PDE8B: variants seen among roughly 807,000 people sequenced by gnomAD.
PDE8B encodes the protein high affinity cAMP-specific and IBMX-insensitive 3',5'-cyclic phosphodiesterase 8B.
PDE8B carries 26 observed loss-of-function variants against 101.3 expected under a neutral mutation model. That is an observed-to-expected ratio of 0.26 (90% CI 0.19 to 0.36). The LOEUF (loss-of-function observed/expected upper bound fraction) is 0.36, where lower values mean the gene tolerates loss of function less well. Among genes scored for constraint, PDE8B ranks in the 10% least tolerant of loss-of-function variants. The pLI is 1.00. For missense variants in PDE8B, 810 were observed against 1,163.1 expected (o/e 0.70, Z 4.42); for synonymous variants, 424 against 429.3 (o/e 0.99, Z 0.15).
intron 10 of PDE8B, among the ~76,000 whole-genome samples, chr5:77,365,790 G>A (rs1488060536): frequency 6.6e-6 from 1 of 152,174 alleles, no homozygotes; most frequent in African/African-American, 2.4e-5. Context: ...GCACTGTGAT[G>A]ATGTGGCTCT....
the PDE8B span, among the ~76,000 whole-genome samples, chr5:77,198,199 T>C: frequency 1.3e-5 from 2 of 152,190 alleles, no homozygotes; most frequent in African/African-American, 4.8e-5. Flanking sequence ...TTAATATTTT[T>C]ATTAAGGTAT....
At chr5:77,328,822 A>G (rs1172381846) in intron 3 of PDE8B, among the ~76,000 whole-genome samples, 176 bp from the exon 4 acceptor site, 2 of 152,206 alleles carry the variant, frequency 1.3e-5, no homozygotes, top group Admixed American at 1.3e-4. Context: ...TAACGAAATG[A>G]AGAGATTGTC....
At chr5:77,345,291 C>T (rs1375470318) in intron 7 of PDE8B, among the ~76,000 whole-genome samples, 3 of 152,110 alleles carry the variant, frequency 2.0e-5, no homozygotes, top group Non-Finnish European at 2.9e-5. Flanking sequence ...CTCTAAGTAG[C>T]GAGGATTACA....
chr5:77,242,255 C>T (rs1003228886), intron 1 of PDE8B, among the ~76,000 whole-genome samples: 1 of 152,208 alleles, frequency 6.6e-6, no homozygotes, highest in African/African-American at 2.4e-5. Flanking sequence ...GTATCCAGTG[C>T]TCTCCAAGAG....
At chr5:77,417,448 C>T (rs183094476) in intron 17 of PDE8B, among the ~76,000 whole-genome samples, 2 of 152,304 alleles carry the variant, frequency 1.3e-5, no homozygotes, top group East Asian at 3.9e-4. Flanking sequence ...GCAGCTCTGG[C>T]ACTATGCAGT....
At chr5:77,373,190 T>G (rs1245355634) in intron 10 of PDE8B, among the ~76,000 whole-genome samples, 2 of 152,234 alleles carry the variant, frequency 1.3e-5, no homozygotes, top group Non-Finnish European at 2.9e-5. Context: ...CTATTGTTAA[T>G]CTGTTTTCTA....
At chr5:77,369,939 A>T (rs62364318) in intron 10 of PDE8B, among the ~76,000 whole-genome samples, 13,710 of 152,232 alleles carry the variant, frequency 0.09, 1,143 homozygotes, top group East Asian at 0.44. Context: ...GCATACAGCA[A>T]AGTTGAAAGA....
At chr5:77,279,732 C>T (rs75480815) in intron 1 of PDE8B, among the ~76,000 whole-genome samples, 142 of 152,294 alleles carry the variant, frequency 9.3e-4, no homozygotes, top group African/African-American at 3.2e-3. Context: ...GGTCTGAATA[C>T]AGGTCTTACT....
At chr5:77,369,469 T>A (rs550204134) in intron 10 of PDE8B, among the ~76,000 whole-genome samples, 1 of 152,180 alleles carries the variant, frequency 6.6e-6, no homozygotes, top group African/African-American at 2.4e-5. Flanking sequence ...AGAGCCAACG[T>A]CTGGCTAGAT....
At chr5:77,334,570 C>T (rs1303651771) in intron 5 of PDE8B, among the ~76,000 whole-genome samples, 1 of 152,090 alleles carries the variant, frequency 6.6e-6, no homozygotes, top group African/African-American at 2.4e-5. Flanking sequence ...GTGGAGAGGC[C>T]TTTTGTGGAG....
intron 20 of PDE8B, among the ~76,000 whole-genome samples, chr5:77,424,632 A>C (rs1797517157): frequency 6.6e-6 from 1 of 152,226 alleles, no homozygotes; most frequent in Non-Finnish European, 1.5e-5. Context: ...CAAGTGCATA[A>C]GTGCTTTCCA....
At chr5:77,248,229 T>C (rs545818489) in intron 1 of PDE8B, among the ~76,000 whole-genome samples, 1 of 152,302 alleles carries the variant, frequency 6.6e-6, no homozygotes, top group Admixed American at 6.5e-5. Flanking sequence ...CTATTGCATG[T>C]TTATTCACTG....
chr5:77,122,318 C>A, the PDE8B span, among the ~76,000 whole-genome samples: 1 of 152,250 alleles, frequency 6.6e-6, no homozygotes, highest in Admixed American at 6.5e-5. Context: ...GCAGCCTTAG[C>A]TCTTCATGGT....
intron 1 of PDE8B, among the ~76,000 whole-genome samples, chr5:77,214,416 T>C (rs1394328018): frequency 1.3e-5 from 2 of 152,234 alleles, no homozygotes; most frequent in African/African-American, 4.8e-5. Context: ...GCTCATTTGT[T>C]CATTCAGTAT....
At position 77,418,220 on chromosome 5, in the gene PDE8B, A is replaced by G. The variant is rs765361327; in HGVS notation, c.1912-9A>G. 7.6e-6 allele frequency: 12 copies of G among 1,587,510 alleles called. No individual in the cohort carries two copies. The African/African-American group carries it at 1.5e-4, about 20-fold the overall frequency. On this transcript the variant is annotated splice_polypyrimidine_tract_variant and intron_variant, in intron 17 of 21. Coordinates refer to ENST00000264917, the MANE Select transcript of PDE8B (RefSeq NM_003719.5). ...GGGTAATGCTCAACCTTGCCTCCCC[A>G]TATCCCAGGGAAGCCTCGATCAGTT... is the stretch of plus-strand genomic sequence containing the variant.
At chr5:77,120,067 G>A in the PDE8B span, among the ~76,000 whole-genome samples, 4 of 152,274 alleles carry the variant, frequency 2.6e-5, no homozygotes, top group East Asian at 5.8e-4. Context: ...AAAAACTGTG[G>A]TATGTTCATG....
chr5:77,305,899 T>C (rs113852510), intron 1 of PDE8B, among the ~76,000 whole-genome samples: 4,481 of 152,206 alleles, frequency 0.029, 100 homozygotes, highest in Non-Finnish European at 0.041. Flanking sequence ...AAAGTGCAAG[T>C]CAAGCTTGCC....
chr5:77,189,777 T>TG, the PDE8B span, among the ~76,000 whole-genome samples: 1 of 151,862 alleles, frequency 6.6e-6, no homozygotes. Context: ...AGATGGGAAG[T>TG]GGGGGGTCTG....
At chr5:77,089,338 A>G in the PDE8B span, 1 of 158,758 alleles carries the variant, frequency 6.3e-6, no homozygotes, top group Non-Finnish European at 1.4e-5. Context: ...ATCTCCTGTC[A>G]CCCCCAGACG....
Sources: gnomAD v4.1 joint callset for allele counts (sites outside exome capture counted in the v4.1 genomes callset) on GRCh38, gnomAD v4.1.1 for gene constraint, MANE v1.5 for transcripts, NCBI Gene and HGNC (gene_info 2026-07-23, HGNC 2026-07-21) for gene names.